Variants in MMS22L observed in about 807,000 individuals in gnomAD.
MMS22L encodes the protein MMS22 like, DNA repair protein.
MMS22L carries 74 observed loss-of-function variants against 159.1 expected under a neutral mutation model. The ratio of observed to expected loss-of-function variants is 0.47; its 90% confidence interval spans 0.39 to 0.56. The LOEUF is 0.56. Among genes scored for constraint, MMS22L ranks in the 20% least tolerant of loss-of-function variants. MMS22L has a pLI of 0.00. For missense variants in MMS22L, 1,351 were observed against 1,422.1 expected (o/e 0.95, Z 0.80); for synonymous variants, 517 against 506.9 (o/e 1.02, Z -0.27).
At chr6:97,261,727 A>G (rs1421958604) in intron 9 of MMS22L, 1 of 152,114 alleles carries the variant, frequency 6.6e-6, no homozygotes, top group Non-Finnish European at 1.5e-5. Context: ...TTGCTGTTCT[A>G]TATTTTGTTG....
intron 14 of MMS22L, among the ~76,000 whole-genome samples, chr6:97,192,348 A>T (rs1293778157): frequency 6.6e-6 from 1 of 152,198 alleles, no homozygotes; most frequent in African/African-American, 2.4e-5. Context: ...TGCAAGGAGA[A>T]TTCTTCAAAT....
rs1290680100 is a variant in MMS22L, at chr6:97,229,225, T to C, written c.1708A>G (p.Ile570Val). ...PAFVTSQRAL[I>V]WKGHMAFLLM... ...AGGAAGGCCATGTGACCCTTCCAAATGAGGGCTCTCTGAGACGTTACAAAA... is the reference window on the plus strand; with the variant it reads ...AGGAAGGCCATGTGACCCTTCCAAACGAGGGCTCTCTGAGACGTTACAAAA... The change falls in exon 14 of 25, where the codon ATT becomes GTT. Residue 570 changes from isoleucine (I) to valine (V), a missense_variant. By Grantham distance (29) the Ile-to-Val change is conservative. Transcript: ENST00000683635. The C allele has an allele frequency of 3.7e-6, 6 of 1,614,008 alleles. No individual in the cohort carries two copies. Among genetic ancestry groups the C allele is most frequent in the Non-Finnish European group, 4.2e-6 (5 of 1,180,018 alleles).
intron 10 of MMS22L, chr6:97,254,312 C>T (rs1813547534): frequency 2.7e-6 from 1 of 375,930 alleles, no homozygotes; most frequent in Non-Finnish European, 4.8e-6. Context: ...CAGGGTCACA[C>T]AATTGTTCAG....
intron 2 of MMS22L, among the ~76,000 whole-genome samples, 175 bp downstream of exon 2, chr6:97,282,139 T>C (rs1303221878): frequency 1.3e-5 from 2 of 152,200 alleles, no homozygotes; most frequent in Non-Finnish European, 2.9e-5. Flanking sequence ...ACTTTAGATA[T>C]GCCCTTACCA....
intron 14 of MMS22L, 53 bp downstream of exon 14, chr6:97,228,841 A>G (rs1810532757): frequency 5.4e-6 from 8 of 1,481,952 alleles, no homozygotes; most frequent in South Asian, 2.7e-5. Flanking sequence ...TAAAATCCAC[A>G]TAAGTAATTA....
chr6:97,202,783 A>G (rs919165740), intron 14 of MMS22L, among the ~76,000 whole-genome samples: 1 of 152,202 alleles, frequency 6.6e-6, no homozygotes. Flanking sequence ...AGTACCTAAT[A>G]GTAAAATAAG....
At chr6:97,184,522 T>A (rs1271426690) in intron 15 of MMS22L, among the ~76,000 whole-genome samples, 1 of 152,156 alleles carries the variant, frequency 6.6e-6, no homozygotes, top group East Asian at 1.9e-4. Context: ...AATGTTAATC[T>A]TCCCTCATAA....
intron 14 of MMS22L, among the ~76,000 whole-genome samples, chr6:97,201,418 G>C (rs1224425388): frequency 6.6e-6 from 1 of 152,092 alleles, no homozygotes; most frequent in Non-Finnish European, 1.5e-5. Flanking sequence ...CTAATTTTCT[G>C]TCATTCAGGA....
chr6:97,186,607 C>T lies in MMS22L; in HGVS notation c.2123G>A (p.Arg708His), dbSNP rs138325370. The T allele has an allele frequency of 4.3e-4, 695 of 1,611,480 alleles. No homozygotes were observed. The highest frequency in any genetic ancestry group is 8.7e-4 in the African/African-American group (65 of 74,764). ...TGCACTGGCAACTGCAGCAAGGTGG[C>T]GCTCTTTAGCCGATAATGAAGACTG... ...FVQSSLSAKE[R>H]HLAAVASALW... The change falls in exon 15 of 25, where the codon CGC (arginine) becomes CAC (histidine). Residue 708 changes from arginine to histidine, a missense_variant. By Grantham distance (29) the Arg-to-His change is conservative. Coordinates refer to ENST00000683635, the MANE Select transcript of MMS22L (RefSeq NM_001350599.2).
intron 14 of MMS22L, among the ~76,000 whole-genome samples, chr6:97,227,853 T>C (rs1033093028): frequency 6.6e-6 from 1 of 152,214 alleles, no homozygotes; most frequent in Admixed American, 6.5e-5. Flanking sequence ...ATGTGAAAAG[T>C]GCCTAAAGGC....
chr6:97,223,830 A>G (rs1809920845), intron 14 of MMS22L, among the ~76,000 whole-genome samples: 1 of 152,184 alleles, frequency 6.6e-6, no homozygotes, highest in African/African-American at 2.4e-5. Flanking sequence ...CTTTTATTAC[A>G]TACAGTAATC....
At chr6:97,193,990 T>C (rs1806188732) in intron 14 of MMS22L, among the ~76,000 whole-genome samples, 1 of 152,126 alleles carries the variant, frequency 6.6e-6, no homozygotes, top group Non-Finnish European at 1.5e-5. Context: ...CTCGATCTCC[T>C]GACCTCGTGA....
Position 97,272,805 on chromosome 6 carries a change from C to A in MMS22L, c.505G>T (p.Val169Leu). The A allele has an allele frequency of 1.2e-6, 2 of 1,614,040 alleles. No homozygotes were observed. The change falls in exon 6 of 25, where the codon GTG becomes TTG. Residue 169 changes from valine (V) to leucine (L), a missense_variant. Coordinates refer to ENST00000683635, the MANE Select transcript of MMS22L (RefSeq NM_001350599.2). Reference protein sequence around the residue: ...YEALEAQLPSVLIDELHGLLL... With the variant: ...YEALEAQLPSLLIDELHGLLL... ...AATCCATGAAGCTCATCAATCAACA[C>A]TGAGGGAAGCTGAGCCTCCAAAGCC...
Position 97,223,424 on chromosome 6 carries a change from C to T in MMS22L, c.2039+5470G>A, listed in dbSNP as rs62413935. ...TATAATCCATCTTCCTTACCTAAAC[C>T]CAAATTCAAATAACTTAGCTCTGCT... is the stretch of plus-strand genomic sequence containing the variant. On this transcript the variant is annotated intron_variant, in intron 14 of 24. Coordinates refer to ENST00000683635, the MANE Select transcript of MMS22L (RefSeq NM_001350599.2). Among the ~76,000 whole-genome samples the T allele has an allele frequency of 7.4e-3, 1,124 of 152,110 alleles. 8 individuals are homozygous for T. The highest frequency in any genetic ancestry group is 9.4e-3 in the Non-Finnish European group (642 of 67,938).
chr6:97,223,658 C>A (rs7746409), intron 14 of MMS22L, among the ~76,000 whole-genome samples: 97,440 of 151,920 alleles, frequency 0.64, 32,838 homozygotes, highest in Non-Finnish European at 0.76. Context: ...CTGTCCAACT[C>A]TTCTTCCCTT....
chr6:97,148,988 A>T (rs1801059913), intron 24 of MMS22L, among the ~76,000 whole-genome samples: 1 of 152,166 alleles, frequency 6.6e-6, no homozygotes, highest in South Asian at 2.1e-4. Context: ...TAGATACACA[A>T]ATACTTACCA....
At position 97,162,002 on chromosome 6, in the gene MMS22L, C is replaced by A; in HGVS notation, c.3385G>T (p.Val1129Phe). The A allele has an allele frequency of 6.2e-7, 1 of 1,605,370 alleles. No homozygotes were observed. Reference protein sequence around the residue: ...KCLVLVSEPQVKRLATENLQY... With the variant: ...KCLVLVSEPQFKRLATENLQY... ...AACAAAAATAAGCTTACAAACAAACCTTGTGGTTCACTGACTAACACCAAG... is the reference window on the plus strand; with the variant it reads ...AACAAAAATAAGCTTACAAACAAACATTGTGGTTCACTGACTAACACCAAG... Residue 1129 changes from valine (V) to phenylalanine (F), a missense_variant and splice_region_variant, in exon 22 of 25, where the codon GTT becomes TTT. Val to Phe is a conservative substitution (Grantham distance 50). Transcript: ENST00000683635.
intron 22 of MMS22L, among the ~76,000 whole-genome samples, chr6:97,154,316 C>T (rs1801618140): frequency 6.6e-6 from 1 of 152,052 alleles, no homozygotes; most frequent in Non-Finnish European, 1.5e-5. Context: ...AGTTATTTGT[C>T]CACTTATTCT....
intron 14 of MMS22L, among the ~76,000 whole-genome samples, chr6:97,221,449 A>G (rs964032018): frequency 2.0e-5 from 3 of 152,232 alleles, no homozygotes; most frequent in Admixed American, 2.0e-4. Flanking sequence ...ACTGCATGGG[A>G]TTATAAAATA....
Sources: allele counts gnomAD v4.1 joint callset (sites outside exome capture counted in the v4.1 genomes callset), GRCh38; gene constraint gnomAD v4.1.1; transcripts MANE v1.5; gene names NCBI Gene and HGNC (gene_info 2026-07-23, HGNC 2026-07-21).